ARHGAP42: variants seen among roughly 807,000 people sequenced by gnomAD.
ARHGAP42 encodes the protein rho GTPase-activating protein 42.
In ARHGAP42, 63 loss-of-function variants were observed where a neutral mutation model predicts 125.0. The observed-to-expected ratio is 0.50, with a 90% CI of 0.41 to 0.62. The LOEUF is 0.62. Among genes scored for constraint, ARHGAP42 ranks in the 20% least tolerant of loss-of-function variants. ARHGAP42 has a pLI of 0.00. For synonymous variants in ARHGAP42, 339 were observed against 351.0 expected (o/e 0.97, Z 0.38); for missense variants, 766 against 1,024.2 (o/e 0.75, Z 3.44).
At chr11:100,911,130 A>C (rs78760490) in intron 4 of ARHGAP42, among the ~76,000 whole-genome samples, 1 of 152,164 alleles carries the variant, frequency 6.6e-6, no homozygotes, top group African/African-American at 2.4e-5. Context: ...TCTGTACTAT[A>C]CTGTAACCCG....
rs1161507432 is a variant in ARHGAP42, at chr11:100,992,437, A to G, written c.*3636A>G. The G allele has an allele frequency of 6.2e-7, 1 of 1,614,002 alleles. No individual in the cohort carries two copies. Among genetic ancestry groups the G allele is most frequent in the Non-Finnish European group, 8.5e-7 (1 of 1,179,980 alleles). On this transcript the variant is annotated 3_prime_UTR_variant, in exon 24 of 24. Coordinates refer to ENST00000298815, the MANE Select transcript of ARHGAP42 (RefSeq NM_152432.4). Reference sequence around the variant, plus strand: ...CTAAAGGTTTCCCCTTAGGGTACACATTGCTATTTAACTTTGCCTCCTACC... The same window carrying G: ...CTAAAGGTTTCCCCTTAGGGTACACGTTGCTATTTAACTTTGCCTCCTACC...
At chr11:100,902,948 G>A (rs1475091569) in intron 4 of ARHGAP42, among the ~76,000 whole-genome samples, 1 of 152,032 alleles carries the variant, frequency 6.6e-6, no homozygotes, top group Non-Finnish European at 1.5e-5. Flanking sequence ...CCCAATGAAC[G>A]GCCCCGAGGT....
chr11:100,971,683 A>G (rs1858252045), intron 17 of ARHGAP42, among the ~76,000 whole-genome samples: 1 of 152,196 alleles, frequency 6.6e-6, no homozygotes, highest in Admixed American at 6.5e-5. Flanking sequence ...ATTCCACTTT[A>G]TTTACATTAT....
At chr11:100,727,493 C>CG (rs1861881688) in intron 1 of ARHGAP42, among the ~76,000 whole-genome samples, 1 of 152,162 alleles carries the variant, frequency 6.6e-6, no homozygotes. Flanking sequence ...GGAAAGAGTC[C>CG]GCCACAATTA....
chr11:100,936,081 C>A, intron 7 of ARHGAP42, 122 bp from the exon 8 acceptor site: 1 of 1,233,994 alleles, frequency 8.1e-7, no homozygotes, highest in Non-Finnish European at 1.1e-6. Context: ...CATAATTGCA[C>A]CTGGTTGACA....
rs973969058 is a variant in ARHGAP42, at chr11:100,936,312, A to G, written c.812A>G (p.Tyr271Cys). 5 of 1,551,452 alleles carry G rather than the reference A, an allele frequency of 3.2e-6. No homozygotes were observed. Among genetic ancestry groups the G allele is most frequent in the Non-Finnish European group, 4.4e-6 (5 of 1,146,890 alleles). ...RPPSQWTMEG[Y>C]LYVQEKRPLG... ...CCCAGCCAGTGGACGATGGAAGGCT[A>G]TCTGTATGTCCAGGAGAAACGTGAG... is the stretch of plus-strand genomic sequence containing the variant. Residue 271 changes from tyrosine to cysteine, a missense_variant, in exon 8 of 24, where the codon TAT becomes TGT. By Grantham distance (194) the Tyr-to-Cys change is radical. Around this residue, in one of 3 missense-constraint regions of ARHGAP42, gnomAD observed 455 missense variants for 636.5 expected, o/e 0.71. Coordinates refer to ENST00000298815, the MANE Select transcript of ARHGAP42 (RefSeq NM_152432.4).
In ARHGAP42 at chr11:100,993,327, C is replaced by CATAT. The variant is rs139717161; in HGVS notation, c.*4536_*4539dup. The stretch of plus-strand genomic sequence containing the variant: ...TTTAATCTCTATATGGCAGCATATA[C>CATAT]ATATATATATATAAAATGCACACTT... On this transcript the variant is annotated 3_prime_UTR_variant, in exon 24 of 24. Coordinates refer to ENST00000298815, the MANE Select transcript of ARHGAP42 (RefSeq NM_152432.4). The CATAT allele has an allele frequency of 0.1, 16,678 of 166,012 alleles. 1,054 individuals carry two copies. Among genetic ancestry groups the CATAT allele is most frequent in the Non-Finnish European group, 0.13 (8,580 of 67,946 alleles). The allele number at this position is 166,012 out of a possible 1,614,324, so 10.3% of individuals were successfully genotyped here. A position where few individuals can be genotyped will look rare whatever the true frequency, so the allele number is the denominator to read the frequency against.
At chr11:100,889,820 C>T (rs1007826070) in intron 4 of ARHGAP42, among the ~76,000 whole-genome samples, 1 of 152,162 alleles carries the variant, frequency 6.6e-6, no homozygotes, top group African/African-American at 2.4e-5. Context: ...TGGGCTCGTG[C>T]TGGTTTTCTT....
rs919565608 is a variant in ARHGAP42, at chr11:100,877,771, C to A, written c.384+18146C>A. 2.6e-5 allele frequency among the ~76,000 whole-genome samples: 4 copies of A among 152,110 alleles called. No homozygotes were observed. In the East Asian group the frequency reaches 7.8e-4, roughly 30 times the overall value. On this transcript the variant is annotated intron_variant, in intron 4 of 23. Coordinates refer to ENST00000298815, the MANE Select transcript of ARHGAP42 (RefSeq NM_152432.4). ...CCTGTAATCCCAGCACTTTGGGAGG[C>A]TGAGGCAGGCAGATCACGAGGTCAG...
At chr11:100,717,436 G>A (rs1861682529) in intron 1 of ARHGAP42, among the ~76,000 whole-genome samples, 1 of 152,100 alleles carries the variant, frequency 6.6e-6, no homozygotes, top group South Asian at 2.1e-4. Flanking sequence ...AGGAGATTAA[G>A]ATCATCCTGG....
intron 4 of ARHGAP42, among the ~76,000 whole-genome samples, chr11:100,865,883 G>T (rs61890806): frequency 3.7e-4 from 57 of 152,244 alleles, no homozygotes; most frequent in African/African-American, 1.3e-3. Flanking sequence ...GTTGCTGAAG[G>T]CTGGGGTGGC....
In ARHGAP42 at chr11:100,837,666, C is replaced by CTATTAT. The variant is rs1555008871; in HGVS notation, c.313-21887_313-21886insATTATT. On this transcript the variant is annotated intron_variant, in intron 3 of 23. Coordinates refer to ENST00000298815, the MANE Select transcript of ARHGAP42 (RefSeq NM_152432.4). ...CAGTTCCCAGAATCTAGGTGTCATCCTTTTTTTTTTTTTTTTTTTTTTTTT... is the reference window on the plus strand; with the variant it reads ...CAGTTCCCAGAATCTAGGTGTCATCCTATTATTTTTTTTTTTTTTTTTTTTTTTTTT... 9.8e-5 allele frequency among the ~76,000 whole-genome samples: 6 copies of CTATTAT among 61,068 alleles called. No homozygotes were observed. The East Asian group carries it at 2.3e-3, about 24-fold the overall frequency. The allele number at this position is 61,068 out of a possible 152,430, so 40.1% of individuals were successfully genotyped here.
intron 2 of ARHGAP42, among the ~76,000 whole-genome samples, chr11:100,788,938 T>A (rs115105083): frequency 6.6e-6 from 1 of 152,224 alleles, no homozygotes; most frequent in Non-Finnish European, 1.5e-5. Context: ...AAACTACTGA[T>A]GTGATGGTCC....
chr11:100,976,783 A>T, intron 20 of ARHGAP42, 32 bp from the exon 21 acceptor site: 2 of 1,548,202 alleles, frequency 1.3e-6, no homozygotes, highest in Non-Finnish European at 1.7e-6. Context: ...GTCTAATAGC[A>T]CCTTGCCTAT....
At chr11:100,981,656 C>T (rs1182303423) in intron 22 of ARHGAP42, among the ~76,000 whole-genome samples, 1 of 152,152 alleles carries the variant, frequency 6.6e-6, no homozygotes, top group African/African-American at 2.4e-5. Flanking sequence ...TGCACCAGAA[C>T]AGATCATTTT....
intron 17 of ARHGAP42, among the ~76,000 whole-genome samples, chr11:100,967,896 G>T (rs1257971394): frequency 6.6e-6 from 1 of 151,950 alleles, no homozygotes; most frequent in Non-Finnish European, 1.5e-5. Context: ...GCTAAATTTT[G>T]CATTTTTAGT....
chr11:100,993,260 T>G lies in ARHGAP42; in HGVS notation c.*4459T>G, dbSNP rs1858889854. The G allele has an allele frequency of 6.0e-6, 1 of 167,248 alleles. No homozygotes were observed. Among genetic ancestry groups the G allele is most frequent in the Non-Finnish European group, 1.5e-5 (1 of 68,312 alleles). 10.4% of individuals were successfully genotyped at this position (167,248 alleles called of 1,614,324 possible). ...TACTCAGTCTTATAAATTAAAAATG[T>G]GCATTTTATATAAAGATGCATTTTA... On this transcript the variant is annotated 3_prime_UTR_variant, in exon 24 of 24. Coordinates refer to ENST00000298815, the MANE Select transcript of ARHGAP42 (RefSeq NM_152432.4).
intron 17 of ARHGAP42, among the ~76,000 whole-genome samples, chr11:100,967,385 A>G (rs956883570): frequency 6.6e-6 from 1 of 152,220 alleles, no homozygotes; most frequent in African/African-American, 2.4e-5. Flanking sequence ...TTATGTATTC[A>G]TTAGGAGATA....
In ARHGAP42 at chr11:100,903,754, ATG is replaced by A. The variant is rs1186794431; in HGVS notation, c.385-9696_385-9695del. 1.2e-3 allele frequency among the ~76,000 whole-genome samples: 152 copies of A among 124,558 alleles called. 2 individuals are homozygous for A. Among genetic ancestry groups the A allele is most frequent in the African/African-American group, 4.3e-3 (143 of 33,594 alleles). The allele number at this position is 124,558 out of a possible 152,430, so 81.7% of individuals were successfully genotyped here. On this transcript the variant is annotated intron_variant, in intron 4 of 23. Coordinates refer to ENST00000298815, the MANE Select transcript of ARHGAP42 (RefSeq NM_152432.4). ...TATATATATATATATATATATATATATGTATGTAAAGGAAAGTTTATTAAGTT... is the reference window on the plus strand; with the variant it reads ...TATATATATATATATATATATATATATATGTAAAGGAAAGTTTATTAAGTT...
Sources: allele counts gnomAD v4.1 joint callset (sites outside exome capture counted in the v4.1 genomes callset), GRCh38; gene constraint gnomAD v4.1.1; regional missense constraint gnomAD v4.1.1; transcripts MANE v1.5; gene names NCBI Gene and HGNC (gene_info 2026-07-23, HGNC 2026-07-21).